ADGRG6: variants seen among roughly 807,000 people sequenced by gnomAD.
ADGRG6 encodes G-protein coupled receptor 126.
Under a neutral mutation model 142.4 loss-of-function variants are expected in ADGRG6, and 84 were observed. The ratio of observed to expected loss-of-function variants is 0.59; its 90% CI spans 0.49 to 0.71. The LOEUF is 0.71. ADGRG6 is among the 30% of genes least tolerant of loss of function. The probability of loss-of-function intolerance (pLI) is 0.00; values close to 1 mark genes in which losing one functional copy is unlikely to be tolerated. For missense variants in ADGRG6, 1,367 were observed against 1,466.6 expected (o/e 0.93, Z 1.11); for synonymous variants, 521 against 520.5 (o/e 1.00, Z -0.01).
chr6:142,315,655 A>G (rs1280080166), intron 2 of ADGRG6, among the ~76,000 whole-genome samples: 2 of 151,706 alleles, frequency 1.3e-5, no homozygotes, highest in Non-Finnish European at 2.9e-5. Context: ...ACATGGTGAA[A>G]CCCCGACTCT....
At chr6:142,431,973 T>A (rs1777232931) in intron 22 of ADGRG6, among the ~76,000 whole-genome samples, 1 of 151,996 alleles carries the variant, frequency 6.6e-6, no homozygotes, top group Non-Finnish European at 1.5e-5. Flanking sequence ...ACAGATTTTC[T>A]TGGTTGTCAA....
chr6:142,445,455 G>A lies in ADGRG6; in HGVS notation c.*1940G>A, dbSNP rs1777934518. 1.3e-5 allele frequency: 2 copies of A among 152,066 alleles called. No homozygotes were observed. The highest frequency in any genetic ancestry group is 1.5e-5 in the Non-Finnish European group (1 of 68,002). 9.4% of individuals were successfully genotyped at this position (152,066 alleles called of 1,614,324 possible). ...ATTCATAGTAGATTTTAATTAGTTAGCTTTCTAACTAGTCAGATTTCTGCC... is the reference window on the plus strand; with the variant it reads ...ATTCATAGTAGATTTTAATTAGTTAACTTTCTAACTAGTCAGATTTCTGCC... On this transcript the variant is annotated 3_prime_UTR_variant, in exon 25 of 25. Transcript: ENST00000367609.
chr6:142,429,056 A>C (rs1185886619), intron 22 of ADGRG6, among the ~76,000 whole-genome samples: 1 of 152,164 alleles, frequency 6.6e-6, no homozygotes, highest in Non-Finnish European at 1.5e-5. Context: ...ATTTTGTGGT[A>C]TACAAATTGC....
At position 142,421,196 on chromosome 6, in the gene ADGRG6, T is replaced by C. The variant is rs966884874; in HGVS notation, c.3319+1092T>C. Among the ~76,000 whole-genome samples the C allele has an allele frequency of 7.9e-5, 12 of 152,268 alleles. No individual in the cohort carries two copies. In the East Asian group the frequency reaches 2.3e-3, roughly 29 times the overall value. On this transcript the variant is annotated intron_variant, in intron 22 of 24. Coordinates refer to ENST00000367609, the MANE Select transcript of ADGRG6 (RefSeq NM_198569.3). ...CACTAGCTTGTGAAGTGCAAAATAA[T>C]TGTCACATGGTAGGTGCTTAATGAT...
intron 24 of ADGRG6, chr6:142,441,077 A>G (rs922716339): frequency 3.6e-6 from 2 of 559,226 alleles, no homozygotes; most frequent in Middle Eastern, 4.6e-4. Flanking sequence ...AGCTAGCACA[A>G]TGACATTCCT....
At chr6:142,429,612 C>T (rs1777115821) in intron 22 of ADGRG6, among the ~76,000 whole-genome samples, 1 of 152,162 alleles carries the variant, frequency 6.6e-6, no homozygotes, top group South Asian at 2.1e-4. Context: ...AAAACAGGAG[C>T]TGTTTAAAGA....
rs1476625756 is a variant in ADGRG6 at position 142,438,338 on chromosome 6, C to G, written c.3548C>G (p.Thr1183Ser). The change falls in exon 24 of 25, where the codon ACC becomes AGC. Residue 1183 changes from threonine to serine, a missense_variant. Physicochemically the swap from Thr to Ser is moderately conservative, Grantham distance 58 (BLOSUM62 1). Around this residue, in one of 3 missense-constraint regions of ADGRG6, gnomAD observed 344 missense variants for 348.7 expected, o/e 0.99. Coordinates refer to ENST00000367609, the MANE Select transcript of ADGRG6 (RefSeq NM_198569.3). ...LTSKSKSSST[T>S]YFKRNSHTDS... ...TCCAAATCTAAATCCAGCTCTACCA[C>G]CTATTTCAAAAGGAATAGCCACACA... 1 of 1,608,660 alleles carries G rather than the reference C, an allele frequency of 6.2e-7. No homozygotes were observed. Among genetic ancestry groups the G allele is most frequent in the African/African-American group, 1.3e-5 (1 of 74,654 alleles).
At chr6:142,322,365 A>C (rs1778559568) in intron 2 of ADGRG6, among the ~76,000 whole-genome samples, 1 of 151,990 alleles carries the variant, frequency 6.6e-6, no homozygotes, top group Non-Finnish European at 1.5e-5. Context: ...GCACTACTGC[A>C]CTCCAGCCTG....
chr6:142,353,922 C>G (rs1182963227), intron 2 of ADGRG6, among the ~76,000 whole-genome samples: 1 of 152,116 alleles, frequency 6.6e-6, no homozygotes, highest in Non-Finnish European at 1.5e-5. Flanking sequence ...GGACAGTAGC[C>G]TCTTTCAAAC....
chr6:142,304,845 A>T (rs1777403492), intron 1 of ADGRG6, among the ~76,000 whole-genome samples: 1 of 152,200 alleles, frequency 6.6e-6, no homozygotes, highest in African/African-American at 2.4e-5. Flanking sequence ...GGATGATGTT[A>T]AGATGCATAC....
At chr6:142,370,830 T>A (rs767970250) in intron 4 of ADGRG6, 37 bp downstream of exon 4, 21 of 1,441,904 alleles carry the variant, frequency 1.5e-5, no homozygotes, top group African/African-American at 1.0e-4. Flanking sequence ...TTTTTTTTTT[T>A]AGCATTATTC....
chr6:142,400,048 A>T (rs1775425140), intron 10 of ADGRG6, among the ~76,000 whole-genome samples: 1 of 152,238 alleles, frequency 6.6e-6, no homozygotes, highest in Non-Finnish European at 1.5e-5. Context: ...TCTATAAAAT[A>T]GCCACACAAC....
At chr6:142,313,642 A>G (rs1777878516) in intron 2 of ADGRG6, among the ~76,000 whole-genome samples, 1 of 152,188 alleles carries the variant, frequency 6.6e-6, no homozygotes, top group African/African-American at 2.4e-5. Context: ...GGCACAGCAT[A>G]GTTCTGGAAG....
intron 4 of ADGRG6, among the ~76,000 whole-genome samples, chr6:142,372,885 C>G (rs1319934028): frequency 6.6e-6 from 1 of 152,168 alleles, no homozygotes; most frequent in Admixed American, 6.5e-5. Context: ...ATAGACCATT[C>G]TAATATTTGC....
intron 3 of ADGRG6, among the ~76,000 whole-genome samples, chr6:142,368,552 T>C (rs1230268106): frequency 1.3e-5 from 2 of 152,082 alleles, no homozygotes; most frequent in African/African-American, 4.8e-5. Flanking sequence ...CTGTTTTTTT[T>C]TTCTTCTGTG....
At chr6:142,340,355 A>G (rs1042629706) in intron 2 of ADGRG6, among the ~76,000 whole-genome samples, 13 of 152,046 alleles carry the variant, frequency 8.6e-5, no homozygotes, top group Non-Finnish European at 1.5e-4. Flanking sequence ...CTTATTATTC[A>G]AGACTTATTA....
At chr6:142,427,715 A>C (rs1777017155) in intron 22 of ADGRG6, among the ~76,000 whole-genome samples, 1 of 152,196 alleles carries the variant, frequency 6.6e-6, no homozygotes, top group Admixed American at 6.5e-5. Context: ...AATTGCACTT[A>C]CAGTTCCATG....
intron 2 of ADGRG6, among the ~76,000 whole-genome samples, chr6:142,318,160 A>ATATT (rs1778276492): frequency 3.5e-5 from 2 of 57,718 alleles, no homozygotes; most frequent in African/African-American, 1.5e-4. Context: ...TATATATTAT[A>ATATT]TATATTATAT....
At chr6:142,413,899 T>TCACACACACACACACACACACACACA (rs112923600) in intron 18 of ADGRG6, among the ~76,000 whole-genome samples, 3 of 141,392 alleles carry the variant, frequency 2.1e-5, no homozygotes, top group East Asian at 2.1e-4. Flanking sequence ...CATTTCTTTA[T>TCACACACACACACACACACACACACA]CACACACACA....
Sources: allele counts gnomAD v4.1 joint callset (sites outside exome capture counted in the v4.1 genomes callset), GRCh38; gene constraint gnomAD v4.1.1; regional missense constraint gnomAD v4.1.1; transcripts MANE v1.5; gene names NCBI Gene and HGNC (gene_info 2026-07-23, HGNC 2026-07-21).